The following PLS3 variants were observed in gnomAD, a reference collection of about 807,000 sequenced individuals.
PLS3 encodes plastin-3.
PLS3 carries 11 observed loss-of-function variants against 46.5 expected under a neutral mutation model. The ratio of observed to expected loss-of-function variants is 0.24; its 90% confidence interval spans 0.15 to 0.39. The LOEUF (loss-of-function observed/expected upper bound fraction) is 0.39. Among genes scored for constraint, PLS3 ranks in the 10% least tolerant of loss-of-function variants. PLS3 has a pLI of 1.00. For synonymous variants in PLS3, 167 were observed against 162.2 expected, an observed-to-expected ratio of 1.03 and a Z score of -0.22; for missense variants, 308 against 461.8, an observed-to-expected ratio of 0.67 and a Z score of 3.05.
intron 3 of PLS3, among the ~76,000 whole-genome samples, chrX:115,625,165 T>A (rs782821122): frequency 8.9e-5 from 10 of 111,917 alleles, no homozygotes; most frequent in Admixed American, 8.6e-4. Flanking sequence ...GTTATTCCTG[T>A]TAGATATTGG....
intron 10 of PLS3, among the ~76,000 whole-genome samples, chrX:115,643,864 C>T (rs1202280504): frequency 7.2e-5 from 8 of 111,073 alleles, no homozygotes; most frequent in African/African-American, 2.3e-4. Context: ...CCCAGCTACT[C>T]GGGAGGCTGA....
At chrX:115,637,504 G>T (rs918076542) in intron 8 of PLS3, among the ~76,000 whole-genome samples, 1 of 111,787 alleles carries the variant, frequency 8.9e-6, no homozygotes, top group Non-Finnish European at 1.9e-5. Context: ...TTAAAACATA[G>T]TATGTGGCAT....
Position 115,629,224 on chromosome X carries a change from T to C in PLS3, c.264T>C (p.Asp88=). ...TTTTTCAAGAGGTAAAAAGTAGTGA[T>C]ATTGCCAAGACCTTCCGCAAAGCAA... ...VYIFQEVKSS[D]IAKTFRKAIN... is the part of the protein sequence containing the mutation. The change falls in exon 4 of 16, where the codon GAT becomes GAC. Residue 88 remains aspartate, a synonymous_variant. Coordinates refer to ENST00000355899, the MANE Select transcript of PLS3 (RefSeq NM_005032.7). 8.4e-7 allele frequency: 1 copy of C among 1,188,597 alleles called. No homozygotes were observed. Among genetic ancestry groups the C allele is most frequent in the Non-Finnish European group, 1.1e-6 (1 of 875,610 alleles).
At chrX:115,564,821 A>C (rs781835544) in intron 1 of PLS3, among the ~76,000 whole-genome samples, 1 of 112,056 alleles carries the variant, frequency 8.9e-6, no homozygotes. Flanking sequence ...GAAAATGAAT[A>C]TCTCTCAATA....
intron 1 of PLS3, among the ~76,000 whole-genome samples, chrX:115,575,522 C>A (rs1338968018): frequency 3.6e-5 from 4 of 112,059 alleles, no homozygotes; most frequent in African/African-American, 1.3e-4. Context: ...CGGCTCACTG[C>A]AAGCTCCGCC....
intron 1 of PLS3, among the ~76,000 whole-genome samples, chrX:115,588,837 G>A (rs1444801458): frequency 9.0e-6 from 1 of 111,363 alleles, no homozygotes; most frequent in African/African-American, 3.3e-5. Flanking sequence ...TATTAGCTAC[G>A]AACTGAACAT....
intron 11 of PLS3, among the ~76,000 whole-genome samples, chrX:115,645,610 C>T (rs2074943408): frequency 8.9e-6 from 1 of 111,866 alleles, no homozygotes. Context: ...CATATAGTGG[C>T]TCGTATCCTT....
chrX:115,618,562 G>A (rs1262965852), intron 2 of PLS3, among the ~76,000 whole-genome samples: 3 of 110,876 alleles, frequency 2.7e-5, no homozygotes, highest in Admixed American at 1.9e-4. Flanking sequence ...CTCCAGCCTG[G>A]GCAACAGAAT....
chrX:115,639,875 C>T, intron 8 of PLS3: 1 of 438,729 alleles, frequency 2.3e-6, no homozygotes, highest in Non-Finnish European at 4.1e-6. Flanking sequence ...TTGTTAAGTA[C>T]ATTCAGATCA....
intron 1 of PLS3, among the ~76,000 whole-genome samples, chrX:115,580,751 A>G (rs2074275324): frequency 8.9e-6 from 1 of 112,572 alleles, no homozygotes; most frequent in Non-Finnish European, 1.9e-5. Context: ...TGCATATGTA[A>G]TGTTAATAAA....
intron 3 of PLS3, among the ~76,000 whole-genome samples, chrX:115,627,913 A>G (rs1556638686): frequency 1.8e-5 from 2 of 112,510 alleles, no homozygotes. Flanking sequence ...TTGTAAGTCC[A>G]AAGAAAGTTA....
chrX:115,597,243 T>A (rs1294818718), intron 1 of PLS3, among the ~76,000 whole-genome samples: 3 of 111,815 alleles, frequency 2.7e-5, no homozygotes, highest in African/African-American at 9.8e-5. Context: ...AGGGCTAAAA[T>A]GGCTTAGTCT....
intron 12 of PLS3, 104 bp from the exon 13 acceptor site, chrX:115,646,298 A>G (rs1469858523): frequency 1.0e-6 from 1 of 956,118 alleles, no homozygotes. Flanking sequence ...ACTGTGTCTT[A>G]TTTGTTTTTG....
At position 115,595,264 on chromosome X, in the gene PLS3, GA is replaced by G. The variant is rs782691834; in HGVS notation, c.-8-14976del. 6.3e-5 allele frequency among the ~76,000 whole-genome samples: 7 copies of G among 111,840 alleles called. No homozygotes were observed. In the South Asian group the frequency reaches 2.6e-3, roughly 42 times the overall value. ...ATGGAGGTATTTGATATTCCTCCAG[GA>G]AATGACACAGGATTGGGCACCCTTT... On this transcript the variant is annotated intron_variant, in intron 1 of 15. Transcript: ENST00000355899.
At chrX:115,637,682 T>C (rs2074851817) in intron 8 of PLS3, among the ~76,000 whole-genome samples, 1 of 111,809 alleles carries the variant, frequency 8.9e-6, no homozygotes, top group South Asian at 3.7e-4. Context: ...TGTGGAGTTC[T>C]CCTTAACTGC....
intron 1 of PLS3, among the ~76,000 whole-genome samples, chrX:115,604,219 G>A: frequency 8.9e-6 from 1 of 111,866 alleles, no homozygotes; most frequent in Non-Finnish European, 1.9e-5. Context: ...TCTGTAGTCA[G>A]TAATTATAGG....
chrX:115,615,394 G>C (rs1235949042), intron 2 of PLS3, among the ~76,000 whole-genome samples: 1 of 108,384 alleles, frequency 9.2e-6, no homozygotes, highest in Non-Finnish European at 1.9e-5. Flanking sequence ...AGGGCGGCGG[G>C]GGAGTTAAAT....
chrX:115,631,569 C>CA lies in PLS3; in HGVS notation c.500+1609dup, dbSNP rs782014979. On this transcript the variant is annotated intron_variant, in intron 5 of 15. Transcript: ENST00000355899. ...GCAACAAAACGAGACCCTGTCTCTA[C>CA]AAAAAAATTAAAAATTAACCCAACA... is the stretch of plus-strand genomic sequence containing the variant. 4.2e-4 allele frequency among the ~76,000 whole-genome samples: 46 copies of CA among 109,873 alleles called. No homozygotes were observed. The South Asian group carries it at 4.7e-3, about 11-fold the overall frequency.
intron 1 of PLS3, among the ~76,000 whole-genome samples, chrX:115,595,427 T>C (rs781861614): frequency 9.0e-6 from 1 of 110,530 alleles, no homozygotes; most frequent in South Asian, 3.9e-4. Flanking sequence ...AATAGCTATG[T>C]AGGGGTGAAA....
Sources: allele counts gnomAD v4.1 joint callset (sites outside exome capture counted in the v4.1 genomes callset), GRCh38; gene constraint gnomAD v4.1.1; transcripts MANE v1.5; gene names NCBI Gene and HGNC (gene_info 2026-07-23, HGNC 2026-07-21).